The following TAPBPL variants were observed in gnomAD, a reference collection of about 807,000 sequenced individuals.
The protein encoded by TAPBPL is tapasin-related protein.
Under a neutral mutation model 44.8 loss-of-function variants are expected in TAPBPL, and 32 were observed. The observed-to-expected ratio is 0.71, with a 90% CI of 0.54 to 0.96. The LOEUF is 0.96. TAPBPL is among the 40% of genes least tolerant of loss of function. The pLI is 0.00. For synonymous variants in TAPBPL, 230 were observed against 240.7 expected, an observed-to-expected ratio of 0.96 and a Z score of 0.41; for missense variants, 520 against 586.6, an observed-to-expected ratio of 0.89 and a Z score of 1.17.
In TAPBPL at chr12:6,452,927, T is replaced by A. The variant is rs1592127307; in HGVS notation, c.65-140T>A. On this transcript the variant is annotated intron_variant, in intron 1 of 6. Transcript: ENST00000266556. ...AGCTGGTTTGGGGATGACGGGAGAA[T>A]AGAGGGACACAGAAACAGCTAGGAT... 3.4e-6 allele frequency: 3 copies of A among 885,076 alleles called. No individual in the cohort carries two copies. In the East Asian group the frequency reaches 8.0e-5, roughly 24 times the overall value. 54.8% of individuals were successfully genotyped at this position (885,076 alleles called of 1,614,324 possible).
At position 6,452,046 on chromosome 12, in the gene TAPBPL, G is replaced by A. The variant is rs1028105894; in HGVS notation, c.-203G>A. The A allele has an allele frequency of 4.0e-5, 25 of 618,598 alleles. No homozygotes were observed. The highest frequency in any genetic ancestry group is 1.2e-4 in the South Asian group (6 of 51,272). 38.3% of individuals were successfully genotyped at this position (618,598 alleles called of 1,614,324 possible). A position where few individuals can be genotyped will look rare whatever the true frequency, so the allele number is the denominator to read the frequency against. ...CAGGGCTCTGGCAGCTGCTGCAGAC[G>A]GCTTCACACAGGGACGCGGGCTGCC... On this transcript the variant is annotated 5_prime_UTR_variant, in exon 1 of 7. Coordinates refer to ENST00000266556, the MANE Select transcript of TAPBPL (RefSeq NM_018009.5).
intron 1 of TAPBPL, 110 bp downstream of exon 1, chr12:6,452,422 G>T: frequency 6.8e-7 from 1 of 1,466,228 alleles, no homozygotes; most frequent in Non-Finnish European, 9.0e-7. Flanking sequence ...TGACCCCATC[G>T]CCTTCTAAGC....
downstream of TAPBPL, chr12:6,463,273 T>C: frequency 7.5e-7 from 1 of 1,337,512 alleles, no homozygotes; most frequent in Non-Finnish European, 9.6e-7. The surrounding 1 kb of genome is among the most constrained non-coding windows in gnomAD (Gnocchi z 4.0). Flanking sequence ...GAGGGCCCCA[T>C]GACAGCACAG....
chr12:6,464,241 G>A (rs1463601189), downstream of TAPBPL: 1 of 1,522,456 alleles, frequency 6.6e-7, no homozygotes, highest in Non-Finnish European at 8.8e-7. Context: ...GCAGGGAGGA[G>A]GCGCCAGCTG....
chr12:6,454,044 C>A (rs572637843), intron 3 of TAPBPL, among the ~76,000 whole-genome samples: 20 of 151,784 alleles, frequency 1.3e-4, no homozygotes, highest in East Asian at 1.9e-4. Context: ...AAAAGAAAAG[C>A]AAGTCACAGA....
chr12:6,460,341 C>T (rs887185764), intron 5 of TAPBPL, among the ~76,000 whole-genome samples: 2 of 152,224 alleles, frequency 1.3e-5, no homozygotes, highest in African/African-American at 2.4e-5. Context: ...TCTCAGCTCA[C>T]TGCAAACTCT....
At chr12:6,465,827 G>A (rs147665374), downstream of TAPBPL, 107 of 1,613,412 alleles carry the variant, frequency 6.6e-5, no homozygotes, top group East Asian at 1.2e-3. Flanking sequence ...TGGAGGAGGG[G>A]ACAAGAAAAT....
downstream of TAPBPL, chr12:6,465,191 G>C: frequency 2.0e-6 from 1 of 509,692 alleles, no homozygotes; most frequent in South Asian, 1.7e-5. Flanking sequence ...CTTAGTTCCT[G>C]GTGTCTTGGG....
chr12:6,455,095 A>AT, intron 3 of TAPBPL, among the ~76,000 whole-genome samples: 1 of 152,172 alleles, frequency 6.6e-6, no homozygotes, highest in Non-Finnish European at 1.5e-5. Context: ...GTGAAATAAT[A>AT]ATATAATGAA....
Position 6,458,929 on chromosome 12 carries a change from A to G in TAPBPL, c.1189A>G (p.Thr397Ala), listed in dbSNP as rs1227791970. 6.2e-6 allele frequency: 10 copies of G among 1,613,826 alleles called. No homozygotes were observed. The highest frequency in any genetic ancestry group is 7.6e-6 in the Non-Finnish European group (9 of 1,179,792). The change falls in exon 5 of 7, where the codon ACC becomes GCC. Residue 397 changes from threonine to alanine, a missense_variant. By Grantham distance (58) the Thr-to-Ala change is moderately conservative. Transcript: ENST00000266556. ...TCTGGAGGAGCCCCTTGGGGCCAGCACCCAGGTTGTCCCACCAGGTACTGG... is the reference window on the plus strand; with the variant it reads ...TCTGGAGGAGCCCCTTGGGGCCAGCGCCCAGGTTGTCCCACCAGGTACTGG... ...ISLEEPLGAS[T>A]QVVPPERRTA... is the part of the protein sequence containing the mutation.
chr12:6,469,728 G>A (rs1379474159), downstream of TAPBPL, among the ~76,000 whole-genome samples: 1 of 152,210 alleles, frequency 6.6e-6, no homozygotes, highest in Non-Finnish European at 1.5e-5. Context: ...GGTCTTGACA[G>A]AGAAGTACTT....
At position 6,458,931 on chromosome 12, in the gene TAPBPL, C is replaced by T. The variant is rs1337082947; in HGVS notation, c.1191C>T (p.Thr397=). The T allele has an allele frequency of 6.2e-7, 1 of 1,613,778 alleles. No homozygotes were observed. The highest frequency in any genetic ancestry group is 1.3e-5 in the African/African-American group (1 of 75,048). Residue 397 remains threonine, a synonymous_variant, in exon 5 of 7, where the codon ACC becomes ACT. Coordinates refer to ENST00000266556, the MANE Select transcript of TAPBPL (RefSeq NM_018009.5). ...ISLEEPLGAS[T]QVVPPERRTA... is the part of the protein sequence containing the mutation. ...TGGAGGAGCCCCTTGGGGCCAGCAC[C>T]CAGGTTGTCCCACCAGGTACTGGGA...
At chr12:6,468,120 A>G (rs566317904), downstream of TAPBPL, among the ~76,000 whole-genome samples, 2 of 152,310 alleles carry the variant, frequency 1.3e-5, no homozygotes, top group East Asian at 3.9e-4. Context: ...GCTATGAGAA[A>G]AAGGTCACCA....
At chr12:6,470,903 C>T, downstream of TAPBPL, 1 of 310,402 alleles carries the variant, frequency 3.2e-6, no homozygotes, top group South Asian at 4.4e-5. Flanking sequence ...AGTTTGCGCT[C>T]CAGTCTGGCG....
downstream of TAPBPL, chr12:6,466,119 G>A: frequency 3.7e-6 from 6 of 1,610,668 alleles, no homozygotes; most frequent in South Asian, 6.6e-5. Flanking sequence ...TGCCTCTCAG[G>A]GCCTTTGACT....
downstream of TAPBPL, chr12:6,464,762 G>C: frequency 1.3e-6 from 2 of 1,535,288 alleles, no homozygotes; most frequent in Non-Finnish European, 1.7e-6. Flanking sequence ...ACCAGGTGAC[G>C]ATCCCATAGC....
rs1222379478 is a variant in TAPBPL, at chr12:6,453,680, T to C, written c.529T>C (p.Leu177=). 5 of 1,612,610 alleles carry C rather than the reference T, an allele frequency of 3.1e-6. No individual in the cohort carries two copies. Among genetic ancestry groups the C allele is most frequent in the Non-Finnish European group, 3.4e-6 (4 of 1,179,464 alleles). Residue 177 remains leucine, a synonymous_variant, in exon 3 of 7, where the codon TTG becomes CTG. Coordinates refer to ENST00000266556, the MANE Select transcript of TAPBPL (RefSeq NM_018009.5). The surrounding 1 kb of genome is among the most constrained non-coding windows in gnomAD (Gnocchi z 4.8). ...GGCGCTCTGGCACCCGACGCTGAAC[T>C]TGCCACTGAGCCCCCAGGGGACTGT... is the stretch of plus-strand genomic sequence containing the variant. ...NEALWHPTLN[L]PLSPQGTVRT... is the part of the protein sequence containing the mutation.
chr12:6,457,532 A>G lies in TAPBPL; in HGVS notation c.692A>G (p.His231Arg). 6.2e-7 allele frequency: 1 copy of G among 1,614,218 alleles called. No homozygotes were observed. The highest frequency in any genetic ancestry group is 8.5e-7 in the Non-Finnish European group (1 of 1,180,046). The change falls in exon 4 of 7, where the codon CAC becomes CGC. Residue 231 changes from histidine (H) to arginine (R), a missense_variant. By Grantham distance (29) the His-to-Arg change is conservative (BLOSUM62 0). Coordinates refer to ENST00000266556, the MANE Select transcript of TAPBPL (RefSeq NM_018009.5). ...ATCAGTGTGGAGTGGCGACTGCAGC[A>G]CAAGGGCAGGGGTCAGTTGGTGTAC... The part of the protein sequence containing the change: ...DLISVEWRLQ[H>R]KGRGQLVYSW...
downstream of TAPBPL, chr12:6,463,512 G>C (rs566185897): frequency 1.4e-5 from 15 of 1,039,068 alleles, no homozygotes; most frequent in Non-Finnish European, 1.7e-5. The surrounding 1 kb of genome is among the most constrained non-coding windows in gnomAD (Gnocchi z 4.0). Flanking sequence ...CAGGAAGAGA[G>C]GAACAGGACC....
Sources: gnomAD v4.1 joint callset for allele counts (sites outside exome capture counted in the v4.1 genomes callset) on GRCh38, gnomAD v4.1.1 for gene constraint, Gnocchi (gnomAD v3.1) non-coding constraint, MANE v1.5 for transcripts, NCBI Gene and HGNC (gene_info 2026-07-23, HGNC 2026-07-21) for gene names.